UST: variants seen among roughly 807,000 people sequenced by gnomAD.
UST encodes uronyl 2-sulfotransferase, also known as chondroitin sulfate 2-O-sulfotransferase.
In UST, 21 loss-of-function variants were observed where a neutral mutation model predicts 45.6. The ratio of observed to expected loss-of-function variants is 0.46; its 90% CI spans 0.33 to 0.66. The LOEUF (loss-of-function observed/expected upper bound fraction) is 0.66. Among genes scored for constraint, UST ranks in the 30% least tolerant of loss-of-function variants. The pLI, the probability that UST is intolerant of heterozygous loss-of-function variation, is 0.02. For missense variants in UST, 463 were observed against 512.4 expected, an observed-to-expected ratio of 0.90 and a Z score of 0.93; for synonymous variants, 215 against 200.6, an observed-to-expected ratio of 1.07 and a Z score of -0.61.
At chr6:149,055,653 T>C (rs1433962486) in intron 7 of UST, among the ~76,000 whole-genome samples, 1 of 152,238 alleles carries the variant, frequency 6.6e-6, no homozygotes, top group Admixed American at 6.5e-5. Context: ...TCTTACCTGC[T>C]TCTAATTCAC....
chr6:148,860,203 T>G (rs981775660), intron 1 of UST, among the ~76,000 whole-genome samples: 4 of 152,248 alleles, frequency 2.6e-5, no homozygotes, highest in African/African-American at 9.6e-5. Flanking sequence ...TTTGAAGATG[T>G]CCTTCACATC....
At chr6:148,772,025 C>A (rs1776438241) in intron 1 of UST, among the ~76,000 whole-genome samples, 1 of 152,124 alleles carries the variant, frequency 6.6e-6, no homozygotes, top group Non-Finnish European at 1.5e-5. Context: ...GGGACATGTT[C>A]TTCATGAGGC....
intron 1 of UST, among the ~76,000 whole-genome samples, chr6:148,853,814 G>C (rs1336798641): frequency 6.6e-6 from 1 of 152,046 alleles, no homozygotes; most frequent in East Asian, 1.9e-4. Flanking sequence ...GGGGTTGTTT[G>C]TTTTTCTTAA....
At chr6:148,829,653 C>T (rs1166937124) in intron 1 of UST, among the ~76,000 whole-genome samples, 6 of 152,098 alleles carry the variant, frequency 3.9e-5, no homozygotes, top group Admixed American at 6.5e-5. Flanking sequence ...GACTCACAGA[C>T]GAGTGTTCTC....
intron 6 of UST, among the ~76,000 whole-genome samples, 174 bp from the exon 7 acceptor site, chr6:149,021,150 A>C (rs368350730): frequency 6.6e-6 from 1 of 152,188 alleles, no homozygotes; most frequent in South Asian, 2.1e-4. Context: ...GCAGGACACC[A>C]GTTGGAAGGA....
At chr6:148,877,556 C>T (rs1236327640) in intron 1 of UST, among the ~76,000 whole-genome samples, 3 of 90,902 alleles carry the variant, frequency 3.3e-5, no homozygotes, top group African/African-American at 1.0e-4. Flanking sequence ...TGCAGGGGAT[C>T]GTGTATGAGT....
In UST at chr6:148,945,893, C is replaced by T. The variant is rs376969224; in HGVS notation, c.447+4459C>T. ...GTAAAGGCTACTATATCACTATAAA[C>T]GTAACATCTGTTCTGACCCTCCAAC... On this transcript the variant is annotated intron_variant, in intron 3 of 7. Transcript: ENST00000367463. Among the ~76,000 whole-genome samples, 28 of 152,290 alleles carry T rather than the reference C, an allele frequency of 1.8e-4. No homozygotes were observed. In the South Asian group the frequency reaches 5.6e-3, roughly 30 times the overall value.
intron 5 of UST, among the ~76,000 whole-genome samples, chr6:149,009,471 G>A (rs939418093): frequency 6.6e-6 from 1 of 151,806 alleles, no homozygotes; most frequent in Non-Finnish European, 1.5e-5. Flanking sequence ...TAAGTGTTCA[G>A]CACAATGCTA....
intron 7 of UST, among the ~76,000 whole-genome samples, chr6:149,045,034 A>AT (rs377676119): frequency 1.4e-4 from 21 of 152,132 alleles, no homozygotes; most frequent in Middle Eastern, 3.4e-3. Flanking sequence ...GATAAGTACC[A>AT]TTTTTTTTAT....
intron 5 of UST, among the ~76,000 whole-genome samples, chr6:148,968,699 G>A (rs1220501001): frequency 6.6e-6 from 1 of 152,228 alleles, no homozygotes; most frequent in Non-Finnish European, 1.5e-5. Flanking sequence ...TCCTGCTGAA[G>A]CCACTCCCTT....
intron 5 of UST, among the ~76,000 whole-genome samples, chr6:149,016,101 T>A (rs1775893841): frequency 6.6e-6 from 1 of 152,210 alleles, no homozygotes; most frequent in South Asian, 2.1e-4. Context: ...TCATCTTTAT[T>A]TATATCCTCC....
chr6:148,922,999 G>A (rs577104963), intron 2 of UST, among the ~76,000 whole-genome samples: 1 of 151,902 alleles, frequency 6.6e-6, no homozygotes, highest in South Asian at 2.1e-4. Flanking sequence ...CACCGTGTTG[G>A]CCAGGCTGGT....
chr6:148,854,939 AAAGAGGTTT>A (rs1189498423), intron 1 of UST, among the ~76,000 whole-genome samples: 1 of 151,944 alleles, frequency 6.6e-6, no homozygotes, highest in Non-Finnish European at 1.5e-5. Flanking sequence ...TTTACAAAAG[AAAGAGGTTT>A]AATGGACGTC....
At chr6:148,975,836 C>G (rs550183416) in intron 5 of UST, among the ~76,000 whole-genome samples, 2 of 152,246 alleles carry the variant, frequency 1.3e-5, no homozygotes, top group African/African-American at 4.8e-5. Flanking sequence ...GCCACGGAGG[C>G]TGTGAGTTGT....
intron 1 of UST, among the ~76,000 whole-genome samples, chr6:148,861,363 T>C (rs1207024032): frequency 1.3e-5 from 2 of 152,196 alleles, no homozygotes; most frequent in African/African-American, 4.8e-5. Context: ...TCATTTTTTA[T>C]TGTGTCTATT....
intron 1 of UST, among the ~76,000 whole-genome samples, chr6:148,759,353 G>T (rs1048425845): frequency 7.3e-5 from 11 of 151,544 alleles, no homozygotes; most frequent in African/African-American, 2.7e-4. Context: ...GTGAAACCCC[G>T]TCTCTACTAA....
intron 4 of UST, 82 bp downstream of exon 4, chr6:148,954,033 C>T: frequency 9.0e-7 from 1 of 1,105,036 alleles, no homozygotes; most frequent in Non-Finnish European, 1.3e-6. Flanking sequence ...ATTTACAAGG[C>T]AGTGCAATTG....
intron 1 of UST, among the ~76,000 whole-genome samples, chr6:148,858,244 G>A (rs1010468068): frequency 6.6e-5 from 10 of 152,166 alleles, no homozygotes; most frequent in African/African-American, 2.2e-4. Flanking sequence ...AAGTAAGGAA[G>A]CCTACAGTAC....
chr6:149,021,418 C>T lies in UST; in HGVS notation c.874C>T (p.Leu292=), dbSNP rs777546413. 1 of 1,614,198 alleles carries T rather than the reference C, an allele frequency of 6.2e-7. No individual in the cohort carries two copies. The highest frequency in any genetic ancestry group is 1.1e-5 in the South Asian group (1 of 91,072). The change falls in exon 7 of 8, where the codon CTG becomes TTG. Residue 292 remains leucine, a synonymous_variant. Coordinates refer to ENST00000367463, the MANE Select transcript of UST (RefSeq NM_005715.3). ...GILEELEDVL[L]LLERFLPHYF... is the part of the protein sequence containing the mutation. ...TCTTGAAGAGTTGGAAGATGTGCTG[C>T]TGTTACTGGAAAGATTTTTACCTCA...
Sources: allele counts gnomAD v4.1 joint callset (sites outside exome capture counted in the v4.1 genomes callset), GRCh38; gene constraint gnomAD v4.1.1; transcripts MANE v1.5; gene names NCBI Gene and HGNC (gene_info 2026-07-23, HGNC 2026-07-21).